CKAP5: variants seen among roughly 807,000 people sequenced by gnomAD.
The protein encoded by CKAP5 is cytoskeleton-associated protein 5.
A neutral mutation model predicts 232.8 loss-of-function variants in CKAP5; 27 were observed. That is an observed-to-expected ratio of 0.12 (90% CI 0.09 to 0.16). The LOEUF is 0.16. Among genes scored for constraint, CKAP5 ranks in the 10% least tolerant of loss-of-function variants. CKAP5 has a pLI of 1.00. For missense variants in CKAP5, 1,838 were observed against 2,424.7 expected, an observed-to-expected ratio of 0.76 and a Z score of 5.08; for synonymous variants, 785 against 841.1, an observed-to-expected ratio of 0.93 and a Z score of 1.16.
intron 31 of CKAP5, 38 bp from the exon 32 acceptor site, chr11:46,762,231 A>G: frequency 1.3e-6 from 2 of 1,587,940 alleles, no homozygotes; most frequent in Non-Finnish European, 8.6e-7. Context: ...GAGACAACAC[A>G]TATTTGGGAC....
intron 20 of CKAP5, among the ~76,000 whole-genome samples, chr11:46,779,499 T>C (rs990384623): frequency 1.3e-5 from 2 of 152,156 alleles, no homozygotes; most frequent in African/African-American, 2.4e-5. Context: ...AATACATACA[T>C]ATTCTTCATT....
chr11:46,811,281 G>T (rs1160364299), intron 4 of CKAP5, 103 bp from the exon 5 acceptor site: 1 of 906,264 alleles, frequency 1.1e-6, no homozygotes, highest in Non-Finnish European at 1.6e-6. Flanking sequence ...CATATTAGAA[G>T]AATTATATAA....
chr11:46,749,729 G>A (rs1053840532), intron 42 of CKAP5, among the ~76,000 whole-genome samples: 4 of 151,854 alleles, frequency 2.6e-5, no homozygotes, highest in Middle Eastern at 3.2e-3. Flanking sequence ...TGAGGCGGGC[G>A]GATCACCTGA....
At chr11:46,803,739 A>T (rs1402955516) in intron 8 of CKAP5, among the ~76,000 whole-genome samples, 3 of 152,176 alleles carry the variant, frequency 2.0e-5, no homozygotes, top group Non-Finnish European at 2.9e-5. Flanking sequence ...TCCTTACGAG[A>T]GGATGAGATC....
At chr11:46,795,264 G>A (rs1938841687) in intron 13 of CKAP5, among the ~76,000 whole-genome samples, 1 of 151,628 alleles carries the variant, frequency 6.6e-6, no homozygotes, top group African/African-American at 2.4e-5. Flanking sequence ...GGAGGCGGAG[G>A]TTGCAGTGAG....
Position 46,751,131 on chromosome 11 carries a change from C to T in CKAP5, c.5447G>A (p.Gly1816Glu). Residue 1816 changes from glycine to glutamate, a missense_variant, in exon 40 of 44, where the codon GGA (glycine) becomes GAA (glutamate). By Grantham distance (98) the Gly-to-Glu change is moderately conservative. Transcript: ENST00000529230. ...GSKSDKETEK[G>E]ASRIDEKSSK... ...CAGGCCACTCACTATTCGAGATGCT[C>T]CCTTTTCTGTTTCCTTATCAGACTT... The T allele has an allele frequency of 3.1e-6, 5 of 1,614,130 alleles. No individual in the cohort carries two copies. Among genetic ancestry groups the T allele is most frequent in the Non-Finnish European group, 3.4e-6 (4 of 1,180,022 alleles).
At chr11:46,758,552 T>G (rs1425916634) in intron 35 of CKAP5, among the ~76,000 whole-genome samples, 1 of 152,094 alleles carries the variant, frequency 6.6e-6, no homozygotes, top group East Asian at 1.9e-4. Context: ...AAGGCTTAGC[T>G]AGGTGCAGTG....
At chr11:46,810,547 G>GTGATC (rs1245771917) in intron 5 of CKAP5, among the ~76,000 whole-genome samples, 2 of 152,234 alleles carry the variant, frequency 1.3e-5, no homozygotes, top group Non-Finnish European at 1.5e-5. Flanking sequence ...CTAGGCTCAA[G>GTGATC]TGATCTGTCT....
intron 31 of CKAP5, 62 bp from the exon 32 acceptor site, chr11:46,762,255 T>A: frequency 6.6e-7 from 1 of 1,519,058 alleles, no homozygotes; most frequent in Non-Finnish European, 9.0e-7. Context: ...GACTTATCCT[T>A]ACTAGAGAAA....
chr11:46,811,421 C>A (rs1939271735), intron 4 of CKAP5, among the ~76,000 whole-genome samples: 1 of 152,110 alleles, frequency 6.6e-6, no homozygotes, highest in East Asian at 1.9e-4. Context: ...AACAAACTTT[C>A]TAGGTAAGCA....
chr11:46,758,737 C>G, intron 35 of CKAP5, 186 bp downstream of exon 35: 1 of 526,756 alleles, frequency 1.9e-6, no homozygotes, highest in Non-Finnish European at 3.2e-6. Flanking sequence ...AAAAATAAGG[C>G]TCTATTAGAG....
intron 3 of CKAP5, among the ~76,000 whole-genome samples, chr11:46,817,384 T>C (rs904563386): frequency 6.6e-6 from 1 of 152,212 alleles, no homozygotes; most frequent in Non-Finnish European, 1.5e-5. Flanking sequence ...TCTTGACTCC[T>C]TAATAAGACT....
rs538997718 is a variant in CKAP5 at position 46,834,287 on chromosome 11, G to A, written c.-38+11933C>T. 5.9e-5 allele frequency among the ~76,000 whole-genome samples: 9 copies of A among 152,162 alleles called. No homozygotes were observed. The East Asian group carries it at 1.5e-3, about 26-fold the overall frequency. On this transcript the variant is annotated intron_variant, in intron 1 of 43. Transcript: ENST00000529230. Reference sequence around the variant, plus strand: ...TAATCCCAGCACTTTGGGAGGCCAAGACGGGCAGATCACTTGAGATCAGGA... The same window carrying A: ...TAATCCCAGCACTTTGGGAGGCCAAAACGGGCAGATCACTTGAGATCAGGA...
At chr11:46,789,975 G>A in intron 15 of CKAP5, 101 bp downstream of exon 15, 2 of 729,430 alleles carry the variant, frequency 2.7e-6, no homozygotes, top group Non-Finnish European at 2.4e-6. Context: ...GTGTTCACCG[G>A]TTATAAAACA....
Position 46,795,681 on chromosome 11 carries a change from A to G in CKAP5, c.1563T>C (p.Thr521=), listed in dbSNP as rs892932167. The G allele has an allele frequency of 1.2e-6, 2 of 1,614,166 alleles. No homozygotes were observed. The highest frequency in any genetic ancestry group is 1.7e-6 in the Non-Finnish European group (2 of 1,180,004). ...KKEFKPLPGR[T]AASGAAGDKD... The stretch of plus-strand genomic sequence containing the variant: ...TATCTCCTGCAGCCCCTGAAGCAGC[A>G]GTCCTTCCAGGCAGAGGTTTGAATT... Residue 521 remains threonine, a synonymous_variant, in exon 13 of 44, where the codon ACT becomes ACC. Coordinates refer to ENST00000529230, the MANE Select transcript of CKAP5 (RefSeq NM_001008938.4).
intron 37 of CKAP5, 23 bp from the exon 38 acceptor site, chr11:46,752,733 C>A (rs1565716807): frequency 6.3e-7 from 1 of 1,597,102 alleles, no homozygotes; most frequent in Non-Finnish European, 8.6e-7. Flanking sequence ...CCCAACACAA[C>A]AGCATTAAGT....
chr11:46,831,861 CTT>C lies in CKAP5; in HGVS notation c.-37-10595_-37-10594del, dbSNP rs71042624. Among the ~76,000 whole-genome samples the C allele has an allele frequency of 2.9e-3, 344 of 119,030 alleles. 1 individual carries two copies. Among genetic ancestry groups the C allele is most frequent in the African/African-American group, 0.011 (323 of 30,264 alleles). 78.1% of individuals were successfully genotyped at this position (119,030 alleles called of 152,430 possible). On this transcript the variant is annotated intron_variant, in intron 1 of 43. Transcript: ENST00000529230. The stretch of plus-strand genomic sequence containing the variant: ...GTCTTAAATATACAATAAACTTATC[CTT>C]TTTTTTTTTTTTTTTTTCTGAGACA...
At chr11:46,810,955 A>T in intron 5 of CKAP5, 52 bp downstream of exon 5, 1 of 1,438,572 alleles carries the variant, frequency 7.0e-7, no homozygotes, top group Non-Finnish European at 9.4e-7. Flanking sequence ...TAGGAAGAAA[A>T]TATTTTCATA....
rs765064414 is a variant in CKAP5 at position 46,754,877 on chromosome 11, G to A, written c.4869+11C>T. The A allele has an allele frequency of 6.2e-7, 1 of 1,609,056 alleles. No homozygotes were observed. Among genetic ancestry groups the A allele is most frequent in the Non-Finnish European group, 8.5e-7 (1 of 1,177,212 alleles). Reference sequence around the variant, plus strand: ...TGATGGGAAGCTGAAATTCTGCAGAGGTGCCCTTACCGAAATCATGTTGCC... The same window carrying A: ...TGATGGGAAGCTGAAATTCTGCAGAAGTGCCCTTACCGAAATCATGTTGCC... On this transcript the variant is annotated intron_variant, in intron 36 of 43. Coordinates refer to ENST00000529230, the MANE Select transcript of CKAP5 (RefSeq NM_001008938.4).
Sources: gnomAD v4.1 joint callset for allele counts (sites outside exome capture counted in the v4.1 genomes callset) on GRCh38, gnomAD v4.1.1 for gene constraint, MANE v1.5 for transcripts, NCBI Gene and HGNC (gene_info 2026-07-23, HGNC 2026-07-21) for gene names.